Variants in KIF26B observed in about 807,000 individuals in gnomAD.
The protein encoded by KIF26B is kinesin-like protein KIF26B.
A neutral mutation model predicts 151.2 loss-of-function variants in KIF26B; 63 were observed. The ratio of observed to expected loss-of-function variants is 0.42; its 90% CI spans 0.34 to 0.51. The LOEUF is 0.51. Ranked by LOEUF, KIF26B falls within the 20% of genes least tolerant of loss-of-function variation. The pLI, the probability that KIF26B is intolerant of heterozygous loss-of-function variation, is 0.07. For synonymous variants in KIF26B, 1,357 were observed against 1,262.1 expected (o/e 1.08, Z -1.59); for missense variants, 2,813 against 2,913.6 (o/e 0.97, Z 0.79).
chr1:245,438,059 A>G (rs1178640354), intron 4 of KIF26B, among the ~76,000 whole-genome samples: 1 of 152,236 alleles, frequency 6.6e-6, no homozygotes, highest in African/African-American at 2.4e-5. Flanking sequence ...TCAGAAGACC[A>G]AAACACAGGA....
At chr1:245,653,208 T>G (rs1400097041) in intron 10 of KIF26B, among the ~76,000 whole-genome samples, 3 of 152,110 alleles carry the variant, frequency 2.0e-5, no homozygotes, top group Non-Finnish European at 4.4e-5. Flanking sequence ...GCCTCAGCAG[T>G]CAGACCTTCT....
intron 2 of KIF26B, among the ~76,000 whole-genome samples, chr1:245,323,967 G>C (rs1478705518): frequency 6.7e-6 from 1 of 148,678 alleles, no homozygotes; most frequent in Non-Finnish European, 1.5e-5. Context: ...GGTGGAGGTG[G>C]GGTGGGCCCT....
At chr1:245,258,849 T>C (rs2103568898) in intron 2 of KIF26B, among the ~76,000 whole-genome samples, 1 of 152,274 alleles carries the variant, frequency 6.6e-6, no homozygotes, top group East Asian at 1.9e-4. Context: ...TCACCGTGTG[T>C]CTGCCAGGTT....
At position 245,419,745 on chromosome 1, in the gene KIF26B, G is replaced by T; in HGVS notation, c.1166G>T (p.Arg389Leu). The change falls in exon 4 of 15, where the codon CGA (arginine) becomes CTA (leucine). Residue 389 changes from arginine to leucine, a missense_variant and splice_region_variant. By Grantham distance (102) the Arg-to-Leu change is moderately radical. Around this residue, in one of 3 missense-constraint regions of KIF26B, gnomAD observed 676 missense variants for 688.1 expected, o/e 0.98. Coordinates refer to ENST00000407071, the MANE Select transcript of KIF26B (RefSeq NM_018012.4). ...TCGGTGGCCGCCTCCTTCTTTGCAC[G>T]GTAAGAGAGCTGTTCAGATCCTTGG... ...GTSVAASFFA[R>L]AAQKLNLSSK... 1 of 1,609,934 alleles carries T rather than the reference G, an allele frequency of 6.2e-7. No homozygotes were observed.
intron 9 of KIF26B, among the ~76,000 whole-genome samples, chr1:245,623,112 A>C (rs2043684029): frequency 1.3e-5 from 2 of 150,144 alleles, no homozygotes; most frequent in Admixed American, 1.3e-4. Context: ...TACATATTAA[A>C]TCATATAACT....
chr1:245,465,937 C>T (rs945523620), intron 4 of KIF26B, among the ~76,000 whole-genome samples: 2 of 152,218 alleles, frequency 1.3e-5, no homozygotes, highest in Non-Finnish European at 2.9e-5. Context: ...GGAAGCCTGT[C>T]GAGGCAGCTT....
intron 2 of KIF26B, among the ~76,000 whole-genome samples, chr1:245,322,553 G>C (rs1671910563): frequency 6.6e-6 from 1 of 152,144 alleles, no homozygotes; most frequent in African/African-American, 2.4e-5. Flanking sequence ...TGATGGAAGA[G>C]ACAGTACTCT....
chr1:245,531,564 A>T (rs1228674970), intron 4 of KIF26B, among the ~76,000 whole-genome samples: 1 of 152,234 alleles, frequency 6.6e-6, no homozygotes, highest in East Asian at 1.9e-4. Context: ...ATTCCAGGCT[A>T]CTTAATCTTG....
At chr1:245,398,953 G>A (rs1221416217) in intron 3 of KIF26B, among the ~76,000 whole-genome samples, 5 of 151,980 alleles carry the variant, frequency 3.3e-5, no homozygotes, top group Admixed American at 2.0e-4. Flanking sequence ...GAAGCTCTTC[G>A]ATGCATATTT....
intron 2 of KIF26B, among the ~76,000 whole-genome samples, chr1:245,250,303 T>C (rs1258436475): frequency 6.6e-6 from 1 of 152,220 alleles, no homozygotes; most frequent in African/African-American, 2.4e-5. Flanking sequence ...TAAAATTATT[T>C]AATATGGTAA....
rs115928258 is a variant in KIF26B at position 245,417,141 on chromosome 1, A to G, written c.1000-2438A>G. 2.3e-3 allele frequency among the ~76,000 whole-genome samples: 346 copies of G among 152,306 alleles called. 1 individual carries two copies. The highest frequency in any genetic ancestry group is 7.7e-3 in the African/African-American group (319 of 41,560). ...CAGGAAAGGCAGCGTGACTAGGAAA[A>G]TGTGCAGTTTTAATTTTACATAATA... On this transcript the variant is annotated intron_variant, in intron 3 of 14. Coordinates refer to ENST00000407071, the MANE Select transcript of KIF26B (RefSeq NM_018012.4).
At chr1:245,190,798 G>A (rs1669093730) in intron 2 of KIF26B, among the ~76,000 whole-genome samples, 1 of 151,934 alleles carries the variant, frequency 6.6e-6, no homozygotes, top group African/African-American at 2.4e-5. Context: ...GGTGGCTCAT[G>A]CCTATAATCC....
At chr1:245,273,216 C>A (rs1670881670) in intron 2 of KIF26B, among the ~76,000 whole-genome samples, 1 of 151,934 alleles carries the variant, frequency 6.6e-6, no homozygotes, top group Non-Finnish European at 1.5e-5. Context: ...GAGTTTGAGA[C>A]CAGCATGGGC....
chr1:245,357,347 A>G (rs1428361747), intron 2 of KIF26B, among the ~76,000 whole-genome samples: 2 of 152,196 alleles, frequency 1.3e-5, no homozygotes, highest in East Asian at 3.8e-4. Flanking sequence ...ATTCACTGTG[A>G]TGGTGGAGAT....
chr1:245,577,111 A>T (rs781550514), intron 5 of KIF26B, among the ~76,000 whole-genome samples: 15 of 152,204 alleles, frequency 9.9e-5, no homozygotes, highest in Admixed American at 3.9e-4. Context: ...AATGATTTTT[A>T]AAATGATCTA....
intron 2 of KIF26B, among the ~76,000 whole-genome samples, chr1:245,280,034 TTTGA>T (rs1217130061): frequency 1.3e-5 from 2 of 151,628 alleles, no homozygotes; most frequent in Non-Finnish European, 2.9e-5. Context: ...CCATTTGGAG[TTTGA>T]TTGCTTCTGT....
At chr1:245,351,766 G>C (rs1558398996) in intron 2 of KIF26B, among the ~76,000 whole-genome samples, 1 of 152,190 alleles carries the variant, frequency 6.6e-6, no homozygotes, top group Admixed American at 6.5e-5. Flanking sequence ...TCCTTCATCA[G>C]CTCCCAAGAT....
chr1:245,460,320 ATCTTC>A (rs1659619890), intron 4 of KIF26B, among the ~76,000 whole-genome samples: 2 of 152,076 alleles, frequency 1.3e-5, no homozygotes, highest in Admixed American at 1.3e-4. Context: ...GAATTAGCAC[ATCTTC>A]TCTTCTCTGG....
In KIF26B at chr1:245,244,750, G is replaced by GCACACT. The variant is rs1199340542; in HGVS notation, c.465+88073_465+88078dup. On this transcript the variant is annotated intron_variant, in intron 2 of 14. Coordinates refer to ENST00000407071, the MANE Select transcript of KIF26B (RefSeq NM_018012.4). The surrounding 1 kb of genome is among the most constrained non-coding windows in gnomAD (Gnocchi z 4.2). Reference sequence around the variant, plus strand: ...TTTGTGAGAAGGAACACACAGACACGCACACTCACACACACACACACACAC... The same window carrying GCACACT: ...TTTGTGAGAAGGAACACACAGACACGCACACTCACACTCACACACACACACACACAC... Among the ~76,000 whole-genome samples the GCACACT allele has an allele frequency of 6.7e-5, 4 of 59,466 alleles. No individual in the cohort carries two copies. The highest frequency in any genetic ancestry group is 1.5e-4 in the Non-Finnish European group (4 of 26,320). 39.0% of individuals were successfully genotyped at this position (59,466 alleles called of 152,430 possible).
Sources: allele counts gnomAD v4.1 joint callset (sites outside exome capture counted in the v4.1 genomes callset), GRCh38; gene constraint gnomAD v4.1.1; regional missense constraint gnomAD v4.1.1; non-coding constraint Gnocchi (gnomAD v3.1); transcripts MANE v1.5; gene names NCBI Gene and HGNC (gene_info 2026-07-23, HGNC 2026-07-21).